NBAS: variants seen among roughly 807,000 people sequenced by gnomAD.
NBAS encodes the protein NBAS subunit of NRZ tethering complex, also known as NAG/BC035112 fusion.
Under a neutral mutation model 302.5 loss-of-function variants are expected in NBAS, and 219 were observed. That is an observed-to-expected ratio of 0.72 (90% CI 0.65 to 0.81). The LOEUF is 0.81. Among genes scored for constraint, NBAS ranks in the 30% least tolerant of loss-of-function variants. The pLI, the probability that NBAS is intolerant of heterozygous loss-of-function variation, is 0.00. For missense variants in NBAS, 2,932 were observed against 2,841.6 expected (o/e 1.03, Z -0.72); for synonymous variants, 1,118 against 1,021.6 (o/e 1.09, Z -1.80).
chr2:14,939,075 A>G, the NBAS span, among the ~76,000 whole-genome samples: 1 of 152,256 alleles, frequency 6.6e-6, no homozygotes, highest in African/African-American at 2.4e-5. Flanking sequence ...AGATACAGAT[A>G]GAGACTAGCC....
chr2:15,444,327 C>G (rs1346621796), intron 21 of NBAS, among the ~76,000 whole-genome samples: 1 of 152,156 alleles, frequency 6.6e-6, no homozygotes, highest in African/African-American at 2.4e-5. Flanking sequence ...TGGAACAGAA[C>G]ACAGCCCTCA....
intron 43 of NBAS, among the ~76,000 whole-genome samples, chr2:15,276,249 C>A (rs1669578459): frequency 6.6e-6 from 1 of 152,154 alleles, no homozygotes; most frequent in Admixed American, 6.5e-5. Flanking sequence ...GCCAGTGTCT[C>A]ATTTGATTAT....
intron 48 of NBAS, among the ~76,000 whole-genome samples, chr2:15,214,628 T>C (rs1476235367): frequency 1.3e-5 from 2 of 152,204 alleles, no homozygotes; most frequent in African/African-American, 2.4e-5. Context: ...CTAAATTTGG[T>C]TAAGTAAATC....
At chr2:15,101,709 A>T in the NBAS span, among the ~76,000 whole-genome samples, 1 of 152,162 alleles carries the variant, frequency 6.6e-6, no homozygotes, top group Non-Finnish European at 1.5e-5. Flanking sequence ...GTCAATATTC[A>T]TTCAGTATCA....
At chr2:15,496,159 G>A (rs1329311181) in intron 11 of NBAS, among the ~76,000 whole-genome samples, 1 of 150,088 alleles carries the variant, frequency 6.7e-6, no homozygotes, top group Non-Finnish European at 1.5e-5. Flanking sequence ...AAAAAGAAAT[G>A]AAATACTGAT....
chr2:15,463,313 C>T (rs981084883), intron 19 of NBAS, among the ~76,000 whole-genome samples: 6 of 152,156 alleles, frequency 3.9e-5, no homozygotes, highest in Non-Finnish European at 7.3e-5. Flanking sequence ...TCATGCATGA[C>T]AATTATTTCC....
chr2:14,818,743 C>T, the NBAS span, among the ~76,000 whole-genome samples: 5 of 152,140 alleles, frequency 3.3e-5, no homozygotes, highest in Admixed American at 6.5e-5. Flanking sequence ...CGGAGAAAAA[C>T]GAATCTTCAA....
At chr2:15,256,532 C>G (rs1009794776) in intron 44 of NBAS, among the ~76,000 whole-genome samples, 1 of 152,042 alleles carries the variant, frequency 6.6e-6, no homozygotes, top group Non-Finnish European at 1.5e-5. Context: ...ATATGGACAC[C>G]CTTTATTTTT....
intron 32 of NBAS, among the ~76,000 whole-genome samples, chr2:15,359,679 G>A (rs997853772): frequency 1.2e-4 from 19 of 152,038 alleles, no homozygotes; most frequent in African/African-American, 4.6e-4. Flanking sequence ...TTATTTGAAT[G>A]GTAGGCTATC....
At chr2:15,032,481 A>T in the NBAS span, among the ~76,000 whole-genome samples, 6 of 152,228 alleles carry the variant, frequency 3.9e-5, no homozygotes, top group African/African-American at 1.2e-4. Flanking sequence ...GAAATTAGAT[A>T]GTTGGTTGAG....
the NBAS span, among the ~76,000 whole-genome samples, chr2:15,130,836 T>C: frequency 6.6e-6 from 1 of 152,312 alleles, no homozygotes; most frequent in Admixed American, 6.5e-5. Context: ...CTGACTTCTG[T>C]GTCTTCTTAA....
chr2:15,201,985 T>A (rs1224808493), intron 48 of NBAS, among the ~76,000 whole-genome samples: 2 of 152,210 alleles, frequency 1.3e-5, no homozygotes, highest in Non-Finnish European at 2.9e-5. Context: ...CTAGGTCTGG[T>A]GATCAGCAAA....
chr2:15,049,045 A>G, the NBAS span, among the ~76,000 whole-genome samples: 1 of 152,256 alleles, frequency 6.6e-6, no homozygotes, highest in Non-Finnish European at 1.5e-5. Context: ...AGCCAGGCGA[A>G]GGGACTTTGC....
intron 48 of NBAS, among the ~76,000 whole-genome samples, chr2:15,202,478 A>C (rs1305183111): frequency 1.3e-5 from 2 of 152,166 alleles, no homozygotes; most frequent in Non-Finnish European, 2.9e-5. Flanking sequence ...ATAATCAATC[A>C]TATAGTGCCA....
chr2:14,968,442 T>A, the NBAS span, among the ~76,000 whole-genome samples: 27 of 152,294 alleles, frequency 1.8e-4, no homozygotes, highest in African/African-American at 6.3e-4. Flanking sequence ...TTGTTCTTTT[T>A]TAGAGTTGTG....
intron 40 of NBAS, among the ~76,000 whole-genome samples, chr2:15,305,443 C>T (rs897796970): frequency 1.3e-4 from 19 of 144,938 alleles, no homozygotes; most frequent in East Asian, 2.1e-4. Context: ...TACTCAGTCT[C>T]GAGCAGTTTT....
the NBAS span, among the ~76,000 whole-genome samples, chr2:15,104,843 A>G: frequency 2.0e-5 from 3 of 152,080 alleles, no homozygotes; most frequent in African/African-American, 7.2e-5. Context: ...GGCCACATAA[A>G]TGTCTTCTTT....
chr2:15,247,726 C>A (rs199957357), intron 44 of NBAS, among the ~76,000 whole-genome samples: 31,185 of 148,724 alleles, frequency 0.21, 4,078 homozygotes, highest in East Asian at 0.54. Flanking sequence ...ATATATACCT[C>A]TATCTATAGA....
At chr2:14,969,059 C>T in the NBAS span, among the ~76,000 whole-genome samples, 2 of 152,054 alleles carry the variant, frequency 1.3e-5, no homozygotes, top group African/African-American at 4.8e-5. Flanking sequence ...ATGGATGAAC[C>T]TTGAAAACGT....
Sources: gnomAD v4.1 joint callset for allele counts (sites outside exome capture counted in the v4.1 genomes callset) on GRCh38, gnomAD v4.1.1 for gene constraint, MANE v1.5 for transcripts, NCBI Gene and HGNC (gene_info 2026-07-23, HGNC 2026-07-21) for gene names.